The following SELENOF variants were observed in gnomAD, a reference collection of about 807,000 sequenced individuals.
The protein encoded by SELENOF is selenoprotein F, also known as 15 kDa selenoprotein.
A neutral mutation model predicts 20.5 loss-of-function variants in SELENOF; 16 were observed. That is an observed-to-expected ratio of 0.78 (90% CI 0.53 to 1.19). The LOEUF (loss-of-function observed/expected upper bound fraction) is 1.19, where lower values mean the gene tolerates loss of function less well. Among genes scored for constraint, SELENOF ranks in the 50% most tolerant of loss-of-function variants. The probability of loss-of-function intolerance (pLI) is 0.00; values close to 1 mark genes in which losing one functional copy is unlikely to be tolerated. For synonymous variants in SELENOF, 78 were observed against 74.5 expected, an observed-to-expected ratio of 1.05 and a Z score of -0.24; for missense variants, 215 against 194.2, an observed-to-expected ratio of 1.11 and a Z score of -0.64.
rs557087112 is a variant in SELENOF, at chr1:86,888,157, G to A, written c.253-7432C>T. ...TGCCTGTAATCCCAGCTACTGGGCA[G>A]GCTGAGGTGGGAGAATCACTTGGAC... On this transcript the variant is annotated intron_variant, in intron 2 of 4. Coordinates refer to ENST00000331835, the MANE Select transcript of SELENOF (RefSeq NM_004261.5). Among the ~76,000 whole-genome samples the A allele has an allele frequency of 4.6e-5, 7 of 152,058 alleles. No individual in the cohort carries two copies. The East Asian group carries it at 1.4e-3, about 29-fold the overall frequency.
At chr1:86,888,069 T>C (rs1477984722) in intron 2 of SELENOF, among the ~76,000 whole-genome samples, 5 of 152,272 alleles carry the variant, frequency 3.3e-5, no homozygotes, top group African/African-American at 9.6e-5. Flanking sequence ...CAGACCAGCC[T>C]GGCCAACATG....
chr1:86,901,547 G>A (rs932834881), intron 2 of SELENOF, among the ~76,000 whole-genome samples: 1 of 152,132 alleles, frequency 6.6e-6, no homozygotes. Flanking sequence ...TGTAAAAGAT[G>A]CATTAAGACA....
At chr1:86,888,417 G>T (rs1356890655) in intron 2 of SELENOF, among the ~76,000 whole-genome samples, 1 of 152,086 alleles carries the variant, frequency 6.6e-6, no homozygotes, top group Non-Finnish European at 1.5e-5. Context: ...ATGGAAGCAA[G>T]GATGCCTTTC....
chr1:86,909,273 A>T (rs1190741505), intron 1 of SELENOF, among the ~76,000 whole-genome samples: 1 of 152,026 alleles, frequency 6.6e-6, no homozygotes, highest in Non-Finnish European at 1.5e-5. Flanking sequence ...ACTCCTTTTC[A>T]TTTTCAAGGT....
upstream of SELENOF, chr1:86,914,210 A>G (rs1660076631): frequency 3.9e-6 from 4 of 1,031,238 alleles, no homozygotes; most frequent in Non-Finnish European, 6.1e-6. Context: ...TTGCCCTTAC[A>G]TCTCTCATTT....
At chr1:86,864,163 A>C (rs374051569) in intron 4 of SELENOF, among the ~76,000 whole-genome samples, 2 of 152,212 alleles carry the variant, frequency 1.3e-5, no homozygotes, top group Admixed American at 6.5e-5. Context: ...TGTGCATATA[A>C]ATTTGCAGAC....
intron 3 of SELENOF, among the ~76,000 whole-genome samples, chr1:86,874,699 T>C (rs149305838): frequency 3.3e-5 from 5 of 152,238 alleles, no homozygotes; most frequent in Non-Finnish European, 7.4e-5. Context: ...GAAAAATGTT[T>C]GAATTATGTT....
At chr1:86,877,079 C>T (rs1469182971) in intron 3 of SELENOF, among the ~76,000 whole-genome samples, 3 of 152,066 alleles carry the variant, frequency 2.0e-5, no homozygotes, top group African/African-American at 4.8e-5. Context: ...ATATAAGATA[C>T]AATAACAATA....
At chr1:86,866,900 T>C (rs1341516550) in intron 4 of SELENOF, among the ~76,000 whole-genome samples, 2 of 152,216 alleles carry the variant, frequency 1.3e-5, no homozygotes, top group East Asian at 3.8e-4. Flanking sequence ...AGTTTTGCAG[T>C]TTCTTACAAA....
At chr1:86,889,942 G>A (rs1249242519) in intron 2 of SELENOF, among the ~76,000 whole-genome samples, 2 of 152,040 alleles carry the variant, frequency 1.3e-5, no homozygotes, top group African/African-American at 4.8e-5. Flanking sequence ...TATTTTTCTG[G>A]CATAAGTATT....
intron 2 of SELENOF, among the ~76,000 whole-genome samples, chr1:86,888,893 C>T (rs573233985): frequency 2.8e-4 from 43 of 152,196 alleles, no homozygotes; most frequent in Admixed American, 1.8e-3. Flanking sequence ...GTGATCCACC[C>T]GCCTTGGCCT....
At chr1:86,866,832 T>C (rs1001550650) in intron 4 of SELENOF, among the ~76,000 whole-genome samples, 1 of 152,196 alleles carries the variant, frequency 6.6e-6, no homozygotes, top group African/African-American at 2.4e-5. Flanking sequence ...TGTGGAGCAA[T>C]AGGACCTCTT....
intron 3 of SELENOF, among the ~76,000 whole-genome samples, chr1:86,876,031 C>G (rs946358045): frequency 1.3e-5 from 2 of 151,288 alleles, no homozygotes; most frequent in African/African-American, 4.9e-5. Context: ...AAGAGAGAGA[C>G]ACAATCAGAT....
chr1:86,879,659 G>C (rs1275642949), intron 3 of SELENOF, among the ~76,000 whole-genome samples: 3 of 152,128 alleles, frequency 2.0e-5, no homozygotes, highest in South Asian at 2.1e-4. Flanking sequence ...GAATACTTAT[G>C]TATTTCAGTT....
chr1:86,872,517 C>T (rs1042337655), intron 3 of SELENOF, among the ~76,000 whole-genome samples: 10 of 151,730 alleles, frequency 6.6e-5, no homozygotes, highest in African/African-American at 2.4e-4. Flanking sequence ...TACAGGCATG[C>T]GCCACAACGC....
chr1:86,863,393 G>A lies in SELENOF; in HGVS notation c.*81C>T, dbSNP rs1275906600. Reference sequence around the variant, plus strand: ...GTAAAAGACTGATCAATGGAAGCAAGCAAAACTAAATTATTTTCTAGGTGC... The same window carrying A: ...GTAAAAGACTGATCAATGGAAGCAAACAAAACTAAATTATTTTCTAGGTGC... On this transcript the variant is annotated 3_prime_UTR_variant, in exon 5 of 5. Transcript: ENST00000331835. 2.5e-5 allele frequency: 32 copies of A among 1,264,146 alleles called. No homozygotes were observed. Among genetic ancestry groups the A allele is most frequent in the Non-Finnish European group, 3.4e-5 (31 of 912,080 alleles). 78.3% of individuals were successfully genotyped at this position (1,264,146 alleles called of 1,614,324 possible). A position where few individuals can be genotyped will look rare whatever the true frequency, so the allele number is the denominator to read the frequency against.
intron 2 of SELENOF, among the ~76,000 whole-genome samples, chr1:86,891,357 T>C (rs1210852488): frequency 1.3e-4 from 20 of 152,190 alleles, no homozygotes; most frequent in Non-Finnish European, 2.6e-4. Context: ...CTTCCATGCC[T>C]ATTTTTTCTA....
intron 2 of SELENOF, among the ~76,000 whole-genome samples, chr1:86,881,558 T>A (rs1369781355): frequency 1.3e-5 from 2 of 152,232 alleles, no homozygotes; most frequent in African/African-American, 2.4e-5. Context: ...GGTTTTTAGA[T>A]TTGTTTTTTA....
chr1:86,900,645 G>A (rs1659676543), intron 2 of SELENOF, among the ~76,000 whole-genome samples: 1 of 151,600 alleles, frequency 6.6e-6, no homozygotes, highest in African/African-American at 2.4e-5. Flanking sequence ...AGACCGTGGG[G>A]AAAGGGAGAG....
Sources: gnomAD v4.1 joint callset for allele counts (sites outside exome capture counted in the v4.1 genomes callset) on GRCh38, gnomAD v4.1.1 for gene constraint, MANE v1.5 for transcripts, NCBI Gene and HGNC (gene_info 2026-07-23, HGNC 2026-07-21) for gene names.